Variants in ZNF891 observed in about 807,000 individuals in gnomAD.
The protein encoded by ZNF891 is zinc finger protein 891, also known as hCG1646157.
For missense variants in ZNF891, 589 were observed against 632.7 expected (o/e 0.93, Z 0.74); for synonymous variants, 199 against 209.0 (o/e 0.95, Z 0.41).
chr12:133,125,015 G>A (rs1334700021), intron 1 of ZNF891, among the ~76,000 whole-genome samples: 1 of 151,974 alleles, frequency 6.6e-6, no homozygotes, highest in African/African-American at 2.4e-5. Context: ...CACAGCAAGG[G>A]ATATTGGAAT....
intron 1 of ZNF891, among the ~76,000 whole-genome samples, chr12:133,122,580 G>C (rs775431103): frequency 1.3e-5 from 2 of 152,164 alleles, no homozygotes; most frequent in Non-Finnish European, 2.9e-5. Context: ...TGGGGAACAC[G>C]CACTGGGGCC....
At chr12:133,122,152 C>A in intron 1 of ZNF891, 128 bp from the exon 2 acceptor site, 1 of 1,269,450 alleles carries the variant, frequency 7.9e-7, no homozygotes, top group South Asian at 2.5e-5. Context: ...AGCTTAAAAT[C>A]TTTACTGGGA....
chr12:133,120,724 T>C lies in ZNF891; in HGVS notation c.1195A>G (p.Thr399Ala), dbSNP rs755904804. The C allele has an allele frequency of 2.0e-5, 32 of 1,567,586 alleles. No individual in the cohort carries two copies. In the African/African-American group the frequency reaches 3.7e-4, roughly 18 times the overall value. Residue 399 changes from threonine to alanine, a missense_variant, in exon 2 of 2, where the codon ACT becomes GCT. By Grantham distance (58) the Thr-to-Ala change is moderately conservative (BLOSUM62 0). Coordinates refer to ENST00000537226, the MANE Select transcript of ZNF891 (RefSeq NM_001277291.2). The part of the protein sequence containing the change: ...TSLKAHMRTH[T>A]GEKPYECNQC... ...TTACATTCATAAGGTTTCTCTCCAG[T>C]GTGAGTTCTCATGTGAGCCTTAAGG...
At chr12:133,122,258 T>C (rs1223407547) in intron 1 of ZNF891, 2 of 1,011,770 alleles carry the variant, frequency 2.0e-6, no homozygotes, top group Non-Finnish European at 2.4e-6. Context: ...CTTTGAGCTC[T>C]GGGTGAATGG....
At position 133,106,434 on chromosome 12, in the gene ZNF891, C is replaced by T. The variant is rs2229373; in HGVS notation, c.*13850G>A. 24,017 of 1,614,010 alleles carry T rather than the reference C, an allele frequency of 0.015. 3,701 individuals carry two copies. The East Asian group carries it at 0.39, about 26-fold the overall frequency. On this transcript the variant is annotated 3_prime_UTR_variant, in exon 2 of 2. Coordinates refer to ENST00000537226, the MANE Select transcript of ZNF891 (RefSeq NM_001277291.2). ...AGTCACACTGGAGAGAAACCCTATG[C>T]GTGTGCTGAATGTGATAAAGCCTTC...
At position 133,121,857 on chromosome 12, in the gene ZNF891, T is replaced by C. The variant is rs1955765004; in HGVS notation, c.62A>G (p.His21Arg). Residue 21 changes from histidine to arginine, a missense_variant, in exon 2 of 2, where the codon CAT (histidine) becomes CGT (arginine). His to Arg is a conservative substitution (Grantham distance 29). Transcript: ENST00000537226. ...CCTTTCCTCTTCAGCATTTCTCAGA[T>C]GGAAACAGGCAGAGTCCTGTTTAGT... ...ALTKQDSACF[H>R]LRNAEEERMI... 2 of 1,536,546 alleles carry C rather than the reference T, an allele frequency of 1.3e-6. No homozygotes were observed. Among genetic ancestry groups the C allele is most frequent in the African/African-American group, 1.4e-5 (1 of 73,168 alleles).
In ZNF891 at chr12:133,121,675, C is replaced by T. The variant is rs775945306; in HGVS notation, c.244G>A (p.Val82Met). 28 of 1,536,244 alleles carry T rather than the reference C, an allele frequency of 1.8e-5. No homozygotes were observed. Among genetic ancestry groups the T allele is most frequent in the East Asian group, 2.4e-5 (1 of 40,920 alleles). ...MLENYRNLTS[V>M]EYQLYRLTVI... ...GTAAGCCTGTACAACTGATATTCCA[C>T]GGAGGTGAGATTTCTATAGTTTTCC... Residue 82 changes from valine to methionine, a missense_variant, in exon 2 of 2, where the codon GTG becomes ATG. Physicochemically the swap from Val to Met is conservative, Grantham distance 21 (BLOSUM62 1). Transcript: ENST00000537226.
At position 133,106,222 on chromosome 12, in the gene ZNF891, C is replaced by T; in HGVS notation, c.*14062G>A. On this transcript the variant is annotated 3_prime_UTR_variant, in exon 2 of 2. Transcript: ENST00000537226. Reference sequence around the variant, plus strand: ...GGAAGGCATTTCGCCGTTTCTCACACCTTACTCGACATCAGAGCATCCATA... The same window carrying T: ...GGAAGGCATTTCGCCGTTTCTCACATCTTACTCGACATCAGAGCATCCATA... The T allele has an allele frequency of 2.5e-6, 4 of 1,614,210 alleles. No homozygotes were observed. The highest frequency in any genetic ancestry group is 3.4e-6 in the Non-Finnish European group (4 of 1,180,030).
chr12:133,106,658 A>C lies in ZNF891; in HGVS notation c.*13626T>G, dbSNP rs368945833. ...CCTTACTGAACACCAGTGAATTTAC[A>C]CTGCAAAGAAAAACTATGAATGTAT... On this transcript the variant is annotated 3_prime_UTR_variant, in exon 2 of 2. Coordinates refer to ENST00000537226, the MANE Select transcript of ZNF891 (RefSeq NM_001277291.2). 1.5e-4 allele frequency: 235 copies of C among 1,554,104 alleles called. 3 individuals are homozygous for C. The South Asian group carries it at 2.6e-3, about 17-fold the overall frequency.
rs1389661113 is a variant in ZNF891, at chr12:133,114,935, G to A, written c.*5349C>T. 1 of 152,206 alleles carries A rather than the reference G, an allele frequency of 6.6e-6. No homozygotes were observed. Among genetic ancestry groups the A allele is most frequent in the Non-Finnish European group, 1.5e-5 (1 of 68,036 alleles). The allele number at this position is 152,206 out of a possible 1,614,324, so 9.4% of individuals were successfully genotyped here. A position where few individuals can be genotyped will look rare whatever the true frequency, so the allele number is the denominator to read the frequency against. On this transcript the variant is annotated 3_prime_UTR_variant, in exon 2 of 2. Transcript: ENST00000537226. ...ATCACCCTGGGAAGTGTAGAGAACAGTTGATAGGAAAGCACAATATATAAA... is the reference window on the plus strand; with the variant it reads ...ATCACCCTGGGAAGTGTAGAGAACAATTGATAGGAAAGCACAATATATAAA...
rs1159525450 is a variant in ZNF891, at chr12:133,119,695, C to G, written c.*589G>C. ...TGGCTACAGCTGTCATTTTCATGAT[C>G]ACAAGATAGCTCTTTCAGCAGCTTC... On this transcript the variant is annotated 3_prime_UTR_variant, in exon 2 of 2. Coordinates refer to ENST00000537226, the MANE Select transcript of ZNF891 (RefSeq NM_001277291.2). 2.0e-5 allele frequency: 3 copies of G among 152,384 alleles called. No individual in the cohort carries two copies. The highest frequency in any genetic ancestry group is 4.4e-5 in the Non-Finnish European group (3 of 68,196). The allele number at this position is 152,384 out of a possible 1,614,324, so 9.4% of individuals were successfully genotyped here. A position where few individuals can be genotyped will look rare whatever the true frequency, so the allele number is the denominator to read the frequency against.
chr12:133,114,241 C>T lies in ZNF891; in HGVS notation c.*6043G>A, dbSNP rs920977494. ...TAGGAGAGGGACATAATATAAATAA[C>T]ATTAAACTGCTGTTGTCCTAACAGT... is the stretch of plus-strand genomic sequence containing the variant. On this transcript the variant is annotated 3_prime_UTR_variant, in exon 2 of 2. Transcript: ENST00000537226. 1.3e-5 allele frequency: 2 copies of T among 152,120 alleles called. No individual in the cohort carries two copies. The highest frequency in any genetic ancestry group is 4.8e-5 in the African/African-American group (2 of 41,424). The allele number at this position is 152,120 out of a possible 1,614,324, so 9.4% of individuals were successfully genotyped here.
In ZNF891 at chr12:133,120,735, A is replaced by C. The variant is rs1297161823; in HGVS notation, c.1184T>G (p.Met395Arg). Residue 395 changes from methionine (M) to arginine (R), a missense_variant, in exon 2 of 2, where the codon ATG becomes AGG. Met to Arg is a moderately conservative substitution (Grantham distance 91, BLOSUM62 -1). Transcript: ENST00000537226. ...FSQKTSLKAH[M>R]RTHTGEKPYE... ...AGGTTTCTCTCCAGTGTGAGTTCTC[A>C]TGTGAGCCTTAAGGGATGTTTTTTG... 1 of 1,567,438 alleles carries C rather than the reference A, an allele frequency of 6.4e-7. No homozygotes were observed. Among genetic ancestry groups the C allele is most frequent in the Non-Finnish European group, 8.6e-7 (1 of 1,157,002 alleles).
chr12:133,117,617 T>C lies in ZNF891; in HGVS notation c.*2667A>G, dbSNP rs1485357495. 6.6e-6 allele frequency: 1 copy of C among 152,266 alleles called. No individual in the cohort carries two copies. Among genetic ancestry groups the C allele is most frequent in the African/African-American group, 2.4e-5 (1 of 41,472 alleles). The allele number at this position is 152,266 out of a possible 1,614,324, so 9.4% of individuals were successfully genotyped here. ...TTATATTAAACTTTATTATGCTGCA[T>C]ATTAAACCTCACCATACTACATTCA... On this transcript the variant is annotated 3_prime_UTR_variant, in exon 2 of 2. Transcript: ENST00000537226.
At chr12:133,126,659 A>AG (rs1274759550) in intron 1 of ZNF891, among the ~76,000 whole-genome samples, 1 of 149,688 alleles carries the variant, frequency 6.7e-6, no homozygotes, top group East Asian at 2.0e-4. Context: ...AAAAATACAA[A>AG]AAAAAAAAAA....
rs1277691184 is a variant in ZNF891, at chr12:133,108,228, C to T, written c.*12056G>A. On this transcript the variant is annotated 3_prime_UTR_variant, in exon 2 of 2. Coordinates refer to ENST00000537226, the MANE Select transcript of ZNF891 (RefSeq NM_001277291.2). ...TTTTCTCAAGCAGCATGCCTTATTACATATGGGTATTTAATATCTGATTTG... is the reference window on the plus strand; with the variant it reads ...TTTTCTCAAGCAGCATGCCTTATTATATATGGGTATTTAATATCTGATTTG... 2.0e-5 allele frequency: 3 copies of T among 148,036 alleles called. No individual in the cohort carries two copies. Among genetic ancestry groups the T allele is most frequent in the African/African-American group, 5.3e-5 (2 of 37,826 alleles). The allele number at this position is 148,036 out of a possible 1,614,324, so 9.2% of individuals were successfully genotyped here.
In ZNF891 at chr12:133,107,378, T is replaced by C. The variant is rs1955637309; in HGVS notation, c.*12906A>G. The C allele has an allele frequency of 6.6e-6, 1 of 152,210 alleles. No homozygotes were observed. 9.4% of individuals were successfully genotyped at this position (152,210 alleles called of 1,614,324 possible). A position where few individuals can be genotyped will look rare whatever the true frequency, so the allele number is the denominator to read the frequency against. On this transcript the variant is annotated 3_prime_UTR_variant, in exon 2 of 2. Transcript: ENST00000537226. ...AGGGAAGGGGGATTCCTTTTTGTTT[T>C]TTAAGTGAATTCAGAAAATGTTATA...
At chr12:133,128,520 G>A (rs1387578136) in intron 1 of ZNF891, among the ~76,000 whole-genome samples, 4 of 152,196 alleles carry the variant, frequency 2.6e-5, no homozygotes, top group Admixed American at 2.6e-4. Context: ...TGTGATCCCA[G>A]CTATTCCAGA....
intron 1 of ZNF891, among the ~76,000 whole-genome samples, chr12:133,128,355 G>C (rs1375547023): frequency 6.6e-6 from 1 of 152,206 alleles, no homozygotes; most frequent in African/African-American, 2.4e-5. Context: ...CAGATGGCCA[G>C]GCACGGTGGC....
Sources: allele counts gnomAD v4.1 joint callset (sites outside exome capture counted in the v4.1 genomes callset), GRCh38; gene constraint gnomAD v4.1.1; transcripts MANE v1.5; gene names NCBI Gene and HGNC (gene_info 2026-07-23, HGNC 2026-07-21).